Variants in APCDD1 observed in about 807,000 individuals in gnomAD.
APCDD1 encodes protein APCDD1.
Under a neutral mutation model 38.1 loss-of-function variants are expected in APCDD1, and 15 were observed. The observed-to-expected ratio is 0.39, with a 90% CI of 0.26 to 0.61. APCDD1 has a LOEUF of 0.61. APCDD1 is among the 20% of genes least tolerant of loss of function. The pLI, the probability that APCDD1 is intolerant of heterozygous loss-of-function variation, is 0.49. For synonymous variants in APCDD1, 261 were observed against 279.7 expected (o/e 0.93, Z 0.67); for missense variants, 647 against 696.2 (o/e 0.93, Z 0.79).
chr18:10,454,641 A>G lies in APCDD1; in HGVS notation c.-341A>G. 1 of 1,059,516 alleles carries G rather than the reference A, an allele frequency of 9.4e-7. No individual in the cohort carries two copies. Among genetic ancestry groups the G allele is most frequent in the Non-Finnish European group, 1.1e-6 (1 of 874,302 alleles). The allele number at this position is 1,059,516 out of a possible 1,614,324, so 65.6% of individuals were successfully genotyped here. On this transcript the variant is annotated 5_prime_UTR_variant, in exon 1 of 5. Coordinates refer to ENST00000355285, the MANE Select transcript of APCDD1 (RefSeq NM_153000.5). ...GGCGGCGCGCTGGAAATATGAAGAG[A>G]CGCTGCAGCTGCGGTGGCGGTGGCG...
At chr18:10,462,564 CCCTTCCTT>C (rs1388545209) in intron 1 of APCDD1, among the ~76,000 whole-genome samples, 5 of 62,786 alleles carry the variant, frequency 8.0e-5, no homozygotes, top group Non-Finnish European at 1.2e-4. Flanking sequence ...CTGTGACCCT[CCCTTCCTT>C]CCTTCCTTCC....
At chr18:10,481,335 G>A (rs2031131418) in intron 3 of APCDD1, among the ~76,000 whole-genome samples, 1 of 152,214 alleles carries the variant, frequency 6.6e-6, no homozygotes, top group Non-Finnish European at 1.5e-5. Flanking sequence ...ATGTGGAATA[G>A]TCATACAATG....
chr18:10,465,561 G>A (rs887656558), intron 1 of APCDD1, among the ~76,000 whole-genome samples: 2 of 152,212 alleles, frequency 1.3e-5, no homozygotes, highest in African/African-American at 2.4e-5. Context: ...TTCTCACACA[G>A]CATCAATCAA....
At chr18:10,464,262 C>T (rs1478261944) in intron 1 of APCDD1, among the ~76,000 whole-genome samples, 1 of 150,168 alleles carries the variant, frequency 6.7e-6, no homozygotes, top group African/African-American at 2.5e-5. Context: ...TCATTTTGAC[C>T]CTTGTTCTTT....
intron 2 of APCDD1, 128 bp downstream of exon 2, chr18:10,468,780 G>A: frequency 3.0e-6 from 3 of 1,016,506 alleles, no homozygotes; most frequent in Non-Finnish European, 3.0e-6. Flanking sequence ...AAGTTCTAAT[G>A]AAGAACCAAA....
intron 3 of APCDD1, among the ~76,000 whole-genome samples, chr18:10,482,331 A>C (rs939426567): frequency 2.6e-5 from 4 of 151,948 alleles, no homozygotes; most frequent in African/African-American, 9.7e-5. Context: ...AATGGCGCAG[A>C]GGGGAGCTGA....
Position 10,487,669 on chromosome 18 carries a change from C to T in APCDD1, c.1176C>T (p.Ala392=), listed in dbSNP as rs776528613. ...TCTTCAACGGGAATGAGTGCGGGGC[C>T]GAGGGCTCCTGGCAGGTGGGCATCC... ...LNVFNGNECG[A]EGSWQVGIQQ... is the part of the protein sequence containing the mutation. The change falls in exon 5 of 5, where the codon GCC becomes GCT. Residue 392 remains alanine, a synonymous_variant. Coordinates refer to ENST00000355285, the MANE Select transcript of APCDD1 (RefSeq NM_153000.5). The T allele has an allele frequency of 1.2e-5, 20 of 1,614,018 alleles. No individual in the cohort carries two copies. Among genetic ancestry groups the T allele is most frequent in the Middle Eastern group, 1.6e-4 (1 of 6,084 alleles).
intron 3 of APCDD1, among the ~76,000 whole-genome samples, chr18:10,474,639 T>G (rs2143542291): frequency 6.6e-6 from 1 of 152,306 alleles, no homozygotes; most frequent in East Asian, 1.9e-4. Flanking sequence ...GGGGAAAAAT[T>G]AACCATCATC....
chr18:10,477,541 G>A (rs541261104), intron 3 of APCDD1: 1 of 152,220 alleles, frequency 6.6e-6, no homozygotes, highest in Non-Finnish European at 1.5e-5. Context: ...GGCATGCAAG[G>A]TTGCTTTATT....
intron 1 of APCDD1, among the ~76,000 whole-genome samples, chr18:10,462,162 G>A (rs908364009): frequency 6.6e-6 from 1 of 152,114 alleles, no homozygotes; most frequent in African/African-American, 2.4e-5. Context: ...AATTAAGTGG[G>A]GGGGGCTTAA....
intron 1 of APCDD1, among the ~76,000 whole-genome samples, chr18:10,456,982 C>T (rs1321012836): frequency 6.6e-6 from 1 of 151,846 alleles, no homozygotes; most frequent in East Asian, 1.9e-4. Flanking sequence ...CACATATGTG[C>T]ATATGTATAT....
chr18:10,455,078 G>C, intron 1 of APCDD1, 39 bp downstream of exon 1: 1 of 1,548,754 alleles, frequency 6.5e-7, no homozygotes, highest in Non-Finnish European at 8.7e-7. Flanking sequence ...CCCAGCCGGC[G>C]GAGGCAGCCC....
Position 10,487,820 on chromosome 18 carries a change from C to G in APCDD1, c.1327C>G (p.Pro443Ala), listed in dbSNP as rs892064810. 6 of 1,614,042 alleles carry G rather than the reference C, an allele frequency of 3.7e-6. No individual in the cohort carries two copies. The highest frequency in any genetic ancestry group is 4.2e-6 in the Non-Finnish European group (5 of 1,180,038). The change falls in exon 5 of 5, where the codon CCC becomes GCC. Residue 443 changes from proline (P) to alanine (A), a missense_variant. Transcript: ENST00000355285. ...GRYLLFNGQR[P>A]SDGSSPDRPE... ...CTATCTGCTGTTCAACGGTCAGAGG[C>G]CCAGCGACGGGTCCAGCCCAGACAG...
At chr18:10,461,983 T>C (rs2030554623) in intron 1 of APCDD1, among the ~76,000 whole-genome samples, 1 of 152,206 alleles carries the variant, frequency 6.6e-6, no homozygotes, top group Non-Finnish European at 1.5e-5. Context: ...TCCAATACCT[T>C]TCTATCCACA....
Position 10,471,622 on chromosome 18 carries a change from G to C in APCDD1, c.335G>C (p.Ser112Thr), listed in dbSNP as rs1311662607. 1.2e-6 allele frequency: 2 copies of C among 1,614,040 alleles called. No homozygotes were observed. The highest frequency in any genetic ancestry group is 1.7e-6 in the Non-Finnish European group (2 of 1,180,044). Residue 112 changes from serine to threonine, a missense_variant, in exon 3 of 5, where the codon AGC becomes ACC. By Grantham distance (58) the Ser-to-Thr change is moderately conservative. Coordinates refer to ENST00000355285, the MANE Select transcript of APCDD1 (RefSeq NM_153000.5). This position sits in a 1 kb window ranked among gnomAD's most constrained non-coding sequence, Gnocchi z 5.5. ...TFKAYQFYYG[S>T]NRCTNPTYTL... is the part of the protein sequence containing the mutation. The stretch of plus-strand genomic sequence containing the variant: ...AAGGCCTACCAATTTTATTATGGCA[G>C]CAACCGGTGCACAAATCCCACTTAT...
At chr18:10,484,542 T>C (rs940569917) in intron 3 of APCDD1, among the ~76,000 whole-genome samples, 1 of 152,154 alleles carries the variant, frequency 6.6e-6, no homozygotes, top group African/African-American at 2.4e-5. Context: ...CTTTTTCATC[T>C]TCCCAGACTG....
rs2030870714 is a variant in APCDD1 at position 10,471,987 on chromosome 18, G to C, written c.700G>C (p.Asp234His). The C allele has an allele frequency of 6.2e-7, 1 of 1,613,890 alleles. No homozygotes were observed. Among genetic ancestry groups the C allele is most frequent in the Non-Finnish European group, 8.5e-7 (1 of 1,180,050 alleles). ...DHLVEELFLG[D>H]IHTDATQRMF... Reference sequence around the variant, plus strand: ...CCTGGTCGAGGAGCTCTTCCTTGGTGACATTCACACTGATGCCACCCAGAG... The same window carrying C: ...CCTGGTCGAGGAGCTCTTCCTTGGTCACATTCACACTGATGCCACCCAGAG... Residue 234 changes from aspartate to histidine, a missense_variant, in exon 3 of 5, where the codon GAC (aspartate) becomes CAC (histidine). By Grantham distance (81) the Asp-to-His change is moderately conservative. Coordinates refer to ENST00000355285, the MANE Select transcript of APCDD1 (RefSeq NM_153000.5). This position sits in a 1 kb window ranked among gnomAD's most constrained non-coding sequence, Gnocchi z 5.5.
chr18:10,485,879 C>A lies in APCDD1; in HGVS notation c.1096+96C>A. 7.4e-7 allele frequency: 1 copy of A among 1,357,758 alleles called. No individual in the cohort carries two copies. The highest frequency in any genetic ancestry group is 1.0e-6 in the Non-Finnish European group (1 of 980,696). 84.1% of individuals were successfully genotyped at this position (1,357,758 alleles called of 1,614,324 possible). A position where few individuals can be genotyped will look rare whatever the true frequency, so the allele number is the denominator to read the frequency against. Reference sequence around the variant, plus strand: ...GCTGAGGGAAAGGACCTCTTTTCTGCCTGAGTTCCCAGGAAAGAAATTGGG... The same window carrying A: ...GCTGAGGGAAAGGACCTCTTTTCTGACTGAGTTCCCAGGAAAGAAATTGGG... On this transcript the variant is annotated intron_variant, in intron 4 of 4. Coordinates refer to ENST00000355285, the MANE Select transcript of APCDD1 (RefSeq NM_153000.5). This position sits in a 1 kb window ranked among gnomAD's most constrained non-coding sequence, Gnocchi z 5.8.
intron 3 of APCDD1, among the ~76,000 whole-genome samples, chr18:10,478,895 G>A (rs1442897751): frequency 1.3e-5 from 2 of 152,240 alleles, no homozygotes; most frequent in Admixed American, 6.5e-5. Context: ...AAAGCACCCC[G>A]AGTTCCCTCC....
Sources: gnomAD v4.1 joint callset for allele counts (sites outside exome capture counted in the v4.1 genomes callset) on GRCh38, gnomAD v4.1.1 for gene constraint, Gnocchi (gnomAD v3.1) non-coding constraint, MANE v1.5 for transcripts, NCBI Gene and HGNC (gene_info 2026-07-23, HGNC 2026-07-21) for gene names.